CAPN11: variants seen among roughly 807,000 people sequenced by gnomAD.
The protein encoded by CAPN11 is calpain 11, also known as calpain-11.
In CAPN11, 108 loss-of-function variants were observed where a neutral mutation model predicts 105.3. The observed-to-expected ratio is 1.03, with a 90% CI of 0.88 to 1.20. The LOEUF (loss-of-function observed/expected upper bound fraction) is 1.20, where lower values mean the gene tolerates loss of function less well. CAPN11 is among the 50% of genes most tolerant of loss of function. The pLI, the probability that CAPN11 is intolerant of heterozygous loss-of-function variation, is 0.00. For missense variants in CAPN11, 883 were observed against 924.8 expected (o/e 0.95, Z 0.59); for synonymous variants, 329 against 344.5 (o/e 0.96, Z 0.50).
intron 12 of CAPN11, 72 bp downstream of exon 12, chr6:44,177,492 C>CTTT (rs386406895): frequency 4.8e-6 from 5 of 1,044,348 alleles, no homozygotes; most frequent in South Asian, 1.9e-5. Flanking sequence ...TTCTTTCTTT[C>CTTT]TTTTTTTTTT....
rs1269748557 is a variant in CAPN11 at position 44,176,635 on chromosome 6, GAC to G, written c.1057_1058del (p.Thr353GlyfsTer27). 6.2e-7 allele frequency: 1 copy of G among 1,606,008 alleles called. No homozygotes were observed. The highest frequency in any genetic ancestry group is 8.5e-7 in the Non-Finnish European group (1 of 1,175,196). ...ACATCCAGATGCAGCTGCTGCACAA[GAC>G]GGAGGACGGGGAGTTCTGGTCAGTG... The part of the protein sequence containing the change: ...SDIQMQLLHK[T>X]EDGEFWMSYQ... On this transcript the variant is annotated frameshift_variant, in exon 10 of 23. Coordinates refer to ENST00000398776, the MANE Select transcript of CAPN11 (RefSeq NM_007058.4). LOFTEE classifies it high-confidence loss of function.
At chr6:44,159,680 C>T (rs1364586075) in intron 1 of CAPN11, among the ~76,000 whole-genome samples, 2 of 151,978 alleles carry the variant, frequency 1.3e-5, no homozygotes, top group Admixed American at 1.3e-4. Context: ...CATAGCAAGA[C>T]CTCATCTCAA....
Position 44,180,705 on chromosome 6 carries a change from G to A in CAPN11, c.1746+43G>A, listed in dbSNP as rs1419103550. 4 of 1,613,524 alleles carry A rather than the reference G, an allele frequency of 2.5e-6. No individual in the cohort carries two copies. The South Asian group carries it at 3.3e-5, about 13-fold the overall frequency. ...GGAGGGCTGACAGGAGGGGGATGAG[G>A]GGCTGGAGGGGCCCGAGTGGGGTTC... On this transcript the variant is annotated intron_variant, in intron 16 of 22. Coordinates refer to ENST00000398776, the MANE Select transcript of CAPN11 (RefSeq NM_007058.4).
intron 12 of CAPN11, among the ~76,000 whole-genome samples, chr6:44,178,878 G>C (rs954261049): frequency 6.6e-6 from 1 of 151,800 alleles, no homozygotes; most frequent in Non-Finnish European, 1.5e-5. Context: ...AGCCATGATC[G>C]CACCACTGCT....
intron 18 of CAPN11, 109 bp downstream of exon 18, chr6:44,181,106 C>T: frequency 8.1e-7 from 1 of 1,228,524 alleles, no homozygotes. Flanking sequence ...GGATTAGGCT[C>T]TGGGGTAGCA....
intron 8 of CAPN11, 41 bp downstream of exon 8, chr6:44,176,192 A>G (rs1324960727): frequency 2.9e-6 from 4 of 1,362,286 alleles, no homozygotes; most frequent in Non-Finnish European, 4.0e-6. Flanking sequence ...GGACCCTGAG[A>G]AGGAGGAGAA....
At chr6:44,178,162 G>C (rs116655107) in intron 12 of CAPN11, among the ~76,000 whole-genome samples, 3,434 of 152,186 alleles carry the variant, frequency 0.023, 54 homozygotes, top group South Asian at 0.041. Flanking sequence ...TTGTTCCAAA[G>C]GTCTTAGGAA....
intron 1 of CAPN11, chr6:44,161,654 C>G (rs1466430726): frequency 2.6e-6 from 1 of 391,100 alleles, no homozygotes; most frequent in African/African-American, 2.1e-5. Context: ...ACTTGTTGGG[C>G]TGGATGGTGA....
At chr6:44,178,930 C>A (rs1284824945) in intron 12 of CAPN11, among the ~76,000 whole-genome samples, 1 of 152,056 alleles carries the variant, frequency 6.6e-6, no homozygotes, top group African/African-American at 2.4e-5. Flanking sequence ...TCAAAGACAT[C>A]TTCAAGGTTA....
At chr6:44,164,017 T>G (rs769755067) in intron 1 of CAPN11, among the ~76,000 whole-genome samples, 9 of 152,066 alleles carry the variant, frequency 5.9e-5, no homozygotes, top group Non-Finnish European at 1.2e-4. Context: ...TTTTTTAATT[T>G]TTATTTTGTA....
chr6:44,166,611 C>T, intron 1 of CAPN11, 147 bp from the exon 2 acceptor site: 1 of 644,348 alleles, frequency 1.6e-6, no homozygotes, highest in South Asian at 1.8e-5. Flanking sequence ...CTAAACAACC[C>T]CAGAACCCTG....
At chr6:44,159,070 C>T (rs4562138) in intron 1 of CAPN11, among the ~76,000 whole-genome samples, 24,508 of 151,936 alleles carry the variant, frequency 0.16, 2,233 homozygotes, top group Non-Finnish European at 0.2. Context: ...ACCTGGGCCT[C>T]GTTCTCAGAC....
At position 44,176,920 on chromosome 6, in the gene CAPN11, A is replaced by C. The variant is rs777860876; in HGVS notation, c.1159A>C (p.Lys387Gln). ...GCCTGATACACTCTCTGGGGACTACAAGAGCTACTGGCACACCACCTTCTA... is the reference window on the plus strand; with the variant it reads ...GCCTGATACACTCTCTGGGGACTACCAGAGCTACTGGCACACCACCTTCTA... ...LTPDTLSGDY[K>Q]SYWHTTFYEG... Residue 387 changes from lysine to glutamine, a missense_variant, in exon 11 of 23, where the codon AAG becomes CAG. Physicochemically the swap from Lys to Gln is moderately conservative, Grantham distance 53. Transcript: ENST00000398776. The C allele has an allele frequency of 1.2e-6, 2 of 1,613,918 alleles. No individual in the cohort carries two copies. The highest frequency in any genetic ancestry group is 1.7e-5 in the Admixed American group (1 of 60,014).
Position 44,176,602 on chromosome 6 carries a change from G to A in CAPN11, c.1023G>A (p.Val341=), listed in dbSNP as rs1772071600. The A allele has an allele frequency of 1.2e-6, 2 of 1,611,766 alleles. No individual in the cohort carries two copies. Among genetic ancestry groups the A allele is most frequent in the Non-Finnish European group, 1.7e-6 (2 of 1,178,506 alleles). ...WSDSAREWEE[V]ASDIQMQLLH... ...CCAGTGCCAGGGAGTGGGAAGAGGTGGCCTCAGACATCCAGATGCAGCTGC... is the reference window on the plus strand; with the variant it reads ...CCAGTGCCAGGGAGTGGGAAGAGGTAGCCTCAGACATCCAGATGCAGCTGC... The change falls in exon 10 of 23, where the codon GTG becomes GTA. Residue 341 remains valine, a synonymous_variant. Transcript: ENST00000398776.
intron 1 of CAPN11, among the ~76,000 whole-genome samples, chr6:44,162,638 T>C (rs369841227): frequency 2.6e-5 from 4 of 152,166 alleles, no homozygotes; most frequent in East Asian, 1.9e-4. Context: ...GGGATGTGCT[T>C]AGAATAGGGA....
At position 44,172,962 on chromosome 6, in the gene CAPN11, T is replaced by C. The variant is rs1468556830; in HGVS notation, c.551T>C (p.Val184Ala). 1.9e-6 allele frequency: 3 copies of C among 1,613,150 alleles called. No individual in the cohort carries two copies. In the African/African-American group the frequency reaches 4.0e-5, roughly 22 times the overall value. ...CAGATTTGGCAGTTTGGACAGTGGG[T>C]GAACGTGGTGGTAGATGACCGGCTG... ...HFQIWQFGQWVNVVVDDRLPT... is the reference protein window; with the variant it reads ...HFQIWQFGQWANVVVDDRLPT... Residue 184 changes from valine to alanine, a missense_variant, in exon 6 of 23, where the codon GTG (valine) becomes GCG (alanine). Transcript: ENST00000398776.
intron 1 of CAPN11, among the ~76,000 whole-genome samples, chr6:44,164,760 G>A (rs866859413): frequency 6.6e-6 from 1 of 152,312 alleles, no homozygotes; most frequent in Middle Eastern, 3.4e-3. Context: ...AAAGTCGTGG[G>A]GCCAGATGGC....
intron 19 of CAPN11, among the ~76,000 whole-genome samples, 184 bp downstream of exon 19, chr6:44,181,504 A>ACACTCACATACAGACACAACCACAC (rs1582889045): frequency 1.8e-5 from 2 of 109,126 alleles, no homozygotes; most frequent in Non-Finnish European, 4.2e-5. Context: ...ACACACACAC[A>ACACTCACATACAGACACAACCACAC]CACACTCACA....
intron 1 of CAPN11, among the ~76,000 whole-genome samples, chr6:44,160,444 T>C (rs1042081333): frequency 6.6e-6 from 1 of 151,870 alleles, no homozygotes; most frequent in Non-Finnish European, 1.5e-5. Flanking sequence ...GGTGAAACCC[T>C]GTCTCTACTA....
Sources: gnomAD v4.1 joint callset for allele counts (sites outside exome capture counted in the v4.1 genomes callset) on GRCh38, gnomAD v4.1.1 for gene constraint, MANE v1.5 for transcripts, NCBI Gene and HGNC (gene_info 2026-07-23, HGNC 2026-07-21) for gene names.